TENM1: variants seen among roughly 807,000 people sequenced by gnomAD.
TENM1 encodes the protein teneurin transmembrane protein 1.
TENM1 carries 35 observed loss-of-function variants against 174.8 expected under a neutral mutation model. That is an observed-to-expected ratio of 0.20 (90% confidence interval 0.15 to 0.27). TENM1 has a LOEUF of 0.27. Among genes scored for constraint, TENM1 ranks in the 10% least tolerant of loss-of-function variants. The pLI, the probability that TENM1 is intolerant of heterozygous loss-of-function variation, is 1.00. For synonymous variants in TENM1, 781 were observed against 798.7 expected, an observed-to-expected ratio of 0.98 and a Z score of 0.37; for missense variants, 1,633 against 2,130.1, an observed-to-expected ratio of 0.77 and a Z score of 4.59.
the TENM1 span, among the ~76,000 whole-genome samples, chrX:125,162,075 C>G: frequency 3.6e-5 from 4 of 111,676 alleles, no homozygotes; most frequent in Non-Finnish European, 7.5e-5. Context: ...CAAGAATCAA[C>G]TAGGTTTTTT....
intron 3 of TENM1, among the ~76,000 whole-genome samples, chrX:124,812,564 TC>T (rs2055806893): frequency 9.0e-6 from 1 of 111,188 alleles, no homozygotes; most frequent in South Asian, 3.8e-4. Flanking sequence ...GAAAAGACTT[TC>T]AAATTGTTTC....
intron 1 of TENM1, among the ~76,000 whole-genome samples, chrX:124,933,169 C>T (rs1214401892): frequency 3.6e-5 from 4 of 112,111 alleles, no homozygotes; most frequent in African/African-American, 1.3e-4. Context: ...TCATGAAGCC[C>T]TACTTCCAGA....
chrX:125,117,265 T>C, the TENM1 span, among the ~76,000 whole-genome samples: 1 of 111,762 alleles, frequency 8.9e-6, no homozygotes, highest in Non-Finnish European at 1.9e-5. Context: ...TTAGCACTGT[T>C]AACAATAACA....
the TENM1 span, among the ~76,000 whole-genome samples, chrX:125,172,168 GTTGGAATCATGAACC>G: frequency 3.6e-5 from 4 of 111,608 alleles, no homozygotes; most frequent in Non-Finnish European, 7.5e-5. Flanking sequence ...AGAAAGTCAA[GTTGGAATCATGAACC>G]TTGGAATGTT....
chrX:125,097,176 G>C, the TENM1 span, among the ~76,000 whole-genome samples: 3 of 111,387 alleles, frequency 2.7e-5, no homozygotes, highest in African/African-American at 9.8e-5. Flanking sequence ...CCAGGTTTCT[G>C]GTACTGAGTG....
chrX:124,460,986 G>A lies in TENM1; in HGVS notation c.3950-7495C>T, dbSNP rs774958812. On this transcript the variant is annotated intron_variant, in intron 22 of 31. Coordinates refer to ENST00000422452, the Ensembl canonical transcript of TENM1. ...AGATTGTCAAAAGGATCTCTGACCC[G>A]TCCCAAAAATTGTTAAGAATTCTTG... Among the ~76,000 whole-genome samples the A allele has an allele frequency of 1.3e-4, 15 of 111,766 alleles. No homozygotes were observed. In the East Asian group the frequency reaches 2.3e-3, roughly 17 times the overall value.
the TENM1 span, among the ~76,000 whole-genome samples, chrX:125,079,625 G>A: frequency 7.2e-5 from 8 of 111,597 alleles, no homozygotes; most frequent in Non-Finnish European, 1.1e-4. Flanking sequence ...TCTTTTAGTT[G>A]TGGGAACAGT....
intron 3 of TENM1, among the ~76,000 whole-genome samples, chrX:124,745,770 A>G (rs1239113997): frequency 8.9e-6 from 1 of 111,874 alleles, no homozygotes; most frequent in African/African-American, 3.3e-5. Context: ...CAAAAAGGAA[A>G]TAGGAAGCAT....
At chrX:125,116,749 C>T in the TENM1 span, among the ~76,000 whole-genome samples, 7 of 112,168 alleles carry the variant, frequency 6.2e-5, no homozygotes, top group Admixed American at 2.8e-4. Context: ...TGGTGGCTCA[C>T]GCCTGTAATC....
chrX:124,935,856 C>A (rs1467482532), intron 1 of TENM1, among the ~76,000 whole-genome samples: 1 of 112,095 alleles, frequency 8.9e-6, no homozygotes, highest in Non-Finnish European at 1.9e-5. Flanking sequence ...CCACCAGAAC[C>A]CTGACTGATT....
chrX:125,143,447 T>C, the TENM1 span, among the ~76,000 whole-genome samples: 1 of 111,925 alleles, frequency 8.9e-6, no homozygotes, highest in African/African-American at 3.2e-5. Flanking sequence ...ATCTTGTTTC[T>C]ATGTTGTCAA....
the TENM1 span, among the ~76,000 whole-genome samples, chrX:125,001,925 T>TCACACACACACACA: frequency 2.2e-4 from 15 of 67,255 alleles, no homozygotes; most frequent in African/African-American, 8.1e-4. Flanking sequence ...TCTAGAGAGA[T>TCACACACACACACA]CACACACACA....
intron 3 of TENM1, among the ~76,000 whole-genome samples, chrX:124,765,643 T>C (rs887687809): frequency 8.9e-6 from 1 of 112,469 alleles, no homozygotes; most frequent in Non-Finnish European, 1.9e-5. Flanking sequence ...TTCCTATTAG[T>C]GTTCTGCAAA....
At chrX:124,986,833 G>C in the TENM1 span, among the ~76,000 whole-genome samples, 3 of 111,279 alleles carry the variant, frequency 2.7e-5, no homozygotes, top group African/African-American at 9.8e-5. Flanking sequence ...GTAGAGACAG[G>C]GTTTCACCAT....
At chrX:124,900,510 A>G (rs780294952) in intron 1 of TENM1, among the ~76,000 whole-genome samples, 175 of 111,536 alleles carry the variant, frequency 1.6e-3, no homozygotes, top group Non-Finnish European at 2.3e-3. Flanking sequence ...CATATTGCAC[A>G]CCTTAAGTAT....
chrX:124,781,504 A>G (rs1305101500), intron 3 of TENM1, among the ~76,000 whole-genome samples: 3 of 112,174 alleles, frequency 2.7e-5, no homozygotes, highest in African/African-American at 9.7e-5. Context: ...ATAGCTCTTG[A>G]CAAAGGGCTC....
chrX:124,582,078 C>A (rs956750445), intron 11 of TENM1, among the ~76,000 whole-genome samples: 6 of 110,945 alleles, frequency 5.4e-5, no homozygotes, highest in African/African-American at 1.6e-4. Context: ...GTTGTTCCCC[C>A]CCATGTCCAT....
the TENM1 span, among the ~76,000 whole-genome samples, chrX:125,128,660 C>T: frequency 9.0e-6 from 1 of 111,659 alleles, no homozygotes; most frequent in Middle Eastern, 4.6e-3. Flanking sequence ...GAGGAGGCCA[C>T]AGCCACAAGA....
the TENM1 span, among the ~76,000 whole-genome samples, chrX:125,146,104 C>T: frequency 8.9e-6 from 1 of 111,812 alleles, no homozygotes; most frequent in African/African-American, 3.3e-5. Flanking sequence ...CATGATTTTG[C>T]CATAATATCT....
Sources: allele counts gnomAD v4.1 joint callset (sites outside exome capture counted in the v4.1 genomes callset), GRCh38; gene constraint gnomAD v4.1.1; transcripts MANE v1.5; gene names NCBI Gene and HGNC (gene_info 2026-07-23, HGNC 2026-07-21).